GRIN2B: variants seen among roughly 807,000 people sequenced by gnomAD.
The protein encoded by GRIN2B is glutamate receptor ionotropic, NMDA 2B.
A neutral mutation model predicts 114.5 loss-of-function variants in GRIN2B; 5 were observed. The ratio of observed to expected loss-of-function variants is 0.04; its 90% CI spans 0.02 to 0.09. The LOEUF is 0.09. GRIN2B is among the 10% of genes least tolerant of loss of function. The probability of loss-of-function intolerance (pLI) is 1.00; values close to 1 mark genes in which losing one functional copy is unlikely to be tolerated. For missense variants in GRIN2B, 1,108 were observed against 1,943.5 expected (o/e 0.57, Z 8.08); for synonymous variants, 787 against 745.1 (o/e 1.06, Z -0.92).
chr12:13,643,717 T>C (rs1949739744), intron 5 of GRIN2B, among the ~76,000 whole-genome samples: 1 of 152,188 alleles, frequency 6.6e-6, no homozygotes, highest in Non-Finnish European at 1.5e-5. Context: ...CTTTATCAAC[T>C]AAGTTTATGT....
At chr12:13,746,795 G>C (rs746492020) in intron 4 of GRIN2B, among the ~76,000 whole-genome samples, 1 of 152,102 alleles carries the variant, frequency 6.6e-6, no homozygotes, top group Non-Finnish European at 1.5e-5. Flanking sequence ...TAATTCATGT[G>C]AGAGCTGGTT....
chr12:13,750,042 G>A (rs542241534), intron 4 of GRIN2B, among the ~76,000 whole-genome samples: 1 of 152,334 alleles, frequency 6.6e-6, no homozygotes, highest in East Asian at 1.9e-4. Flanking sequence ...AACTGGGGCA[G>A]TTTGCAGAGG....
chr12:13,811,952 C>T (rs1269058971), intron 3 of GRIN2B, among the ~76,000 whole-genome samples: 3 of 152,192 alleles, frequency 2.0e-5, no homozygotes, highest in African/African-American at 7.2e-5. Context: ...CCTGAAACTG[C>T]ATGCAGCATT....
At chr12:13,810,537 CT>C (rs1864709731) in intron 3 of GRIN2B, among the ~76,000 whole-genome samples, 4 of 152,096 alleles carry the variant, frequency 2.6e-5, no homozygotes, top group Non-Finnish European at 5.9e-5. Flanking sequence ...TGTGGTCATT[CT>C]AAAGGGCTTT....
chr12:13,854,307 C>T (rs1205236509), intron 3 of GRIN2B, among the ~76,000 whole-genome samples: 1 of 152,102 alleles, frequency 6.6e-6, no homozygotes, highest in East Asian at 1.9e-4. Flanking sequence ...GTCAGGAGTT[C>T]GAGACCAGCC....
At chr12:13,938,546 T>C (rs939591592) in intron 2 of GRIN2B, among the ~76,000 whole-genome samples, 13 of 152,190 alleles carry the variant, frequency 8.5e-5, no homozygotes, top group Non-Finnish European at 1.6e-4. Context: ...ATAAATTCAA[T>C]ACTCAATAAA....
intron 4 of GRIN2B, among the ~76,000 whole-genome samples, chr12:13,718,665 TG>T (rs1950480569): frequency 6.6e-6 from 1 of 152,192 alleles, no homozygotes; most frequent in Admixed American, 6.5e-5. Context: ...AAAGAGGATC[TG>T]GAAGCCCTCT....
chr12:13,907,912 G>A (rs915899443), intron 2 of GRIN2B, among the ~76,000 whole-genome samples: 3 of 152,040 alleles, frequency 2.0e-5, no homozygotes, highest in Admixed American at 2.0e-4. Context: ...GTCCATGAAT[G>A]GCATTTTACT....
At chr12:13,724,850 T>C (rs908153092) in intron 4 of GRIN2B, among the ~76,000 whole-genome samples, 1 of 152,134 alleles carries the variant, frequency 6.6e-6, no homozygotes, top group Non-Finnish European at 1.5e-5. Context: ...GTAGAAATTC[T>C]AGGCAAGCTA....
intron 3 of GRIN2B, among the ~76,000 whole-genome samples, chr12:13,853,557 C>T (rs1020661855): frequency 1.3e-4 from 20 of 152,218 alleles, no homozygotes; most frequent in African/African-American, 4.6e-4. Flanking sequence ...AAAAGTCTTG[C>T]TCTGCTACCT....
chr12:13,562,984 C>T lies in GRIN2B; in HGVS notation c.4254G>A (p.Arg1418=), dbSNP rs75988134. 1.2e-6 allele frequency: 2 copies of T among 1,613,588 alleles called. No individual in the cohort carries two copies. The highest frequency in any genetic ancestry group is 8.5e-7 in the Non-Finnish European group (1 of 1,179,650). ...TGGTGACAAGGGCCCGGAAGTCCGG[C>T]CTGGCTTTCGACGCCCCCGCCACCG... is the stretch of plus-strand genomic sequence containing the variant. The part of the protein sequence containing the change: ...QPTVAGASKA[R]PDFRALVTNK... The change falls in exon 14 of 14, where the codon AGG becomes AGA. Residue 1418 remains arginine (R), a synonymous_variant. Coordinates refer to ENST00000609686, the MANE Select transcript of GRIN2B (RefSeq NM_000834.5).
intron 4 of GRIN2B, among the ~76,000 whole-genome samples, chr12:13,746,516 G>A (rs1392093630): frequency 1.3e-5 from 2 of 152,144 alleles, no homozygotes; most frequent in Middle Eastern, 3.4e-3. Flanking sequence ...CTGCACAGAT[G>A]TGCATTCTCC....
chr12:13,652,656 G>A (rs1284065261), intron 5 of GRIN2B, among the ~76,000 whole-genome samples: 2 of 152,238 alleles, frequency 1.3e-5, no homozygotes, highest in East Asian at 1.9e-4. Context: ...CACACCAATG[G>A]GCAGGCGGCC....
At chr12:13,955,708 T>C (rs933185127) in intron 2 of GRIN2B, among the ~76,000 whole-genome samples, 1 of 152,150 alleles carries the variant, frequency 6.6e-6, no homozygotes, top group Non-Finnish European at 1.5e-5. Context: ...ATATATGGCA[T>C]ACAATACTTT....
At chr12:13,903,149 TACCAG>T (rs1025601280) in intron 2 of GRIN2B, among the ~76,000 whole-genome samples, 21 of 152,250 alleles carry the variant, frequency 1.4e-4, no homozygotes, top group South Asian at 6.2e-4. Context: ...TGACCAGCCT[TACCAG>T]ACATTTGTAA....
intron 5 of GRIN2B, among the ~76,000 whole-genome samples, chr12:13,654,231 G>A (rs1008465777): frequency 4.6e-5 from 7 of 152,126 alleles, no homozygotes; most frequent in African/African-American, 9.7e-5. Context: ...GAGGTGTAAT[G>A]AGAAGCTCAC....
intron 3 of GRIN2B, among the ~76,000 whole-genome samples, chr12:13,830,661 C>G (rs1186084017): frequency 6.6e-6 from 1 of 152,094 alleles, no homozygotes; most frequent in African/African-American, 2.4e-5. Flanking sequence ...TATATGTACA[C>G]CCTCCCCAGC....
chr12:13,759,723 C>G (rs1165669588), intron 3 of GRIN2B, among the ~76,000 whole-genome samples: 1 of 152,180 alleles, frequency 6.6e-6, no homozygotes, highest in Non-Finnish European at 1.5e-5. Flanking sequence ...GTCTTAACCC[C>G]CTAGTCTAAT....
intron 2 of GRIN2B, among the ~76,000 whole-genome samples, chr12:13,920,218 G>A (rs1866799356): frequency 7.4e-6 from 1 of 136,020 alleles, no homozygotes; most frequent in Non-Finnish European, 1.6e-5. Flanking sequence ...GGGTAACATA[G>A]CAAGACCCTA....
Sources: gnomAD v4.1 joint callset for allele counts (sites outside exome capture counted in the v4.1 genomes callset) on GRCh38, gnomAD v4.1.1 for gene constraint, MANE v1.5 for transcripts, NCBI Gene and HGNC (gene_info 2026-07-23, HGNC 2026-07-21) for gene names.